NBAS: variants seen among roughly 807,000 people sequenced by gnomAD.
NBAS encodes NAG/BC035112 fusion.
Under a neutral mutation model 302.5 loss-of-function variants are expected in NBAS, and 219 were observed. The ratio of observed to expected loss-of-function variants is 0.72; its 90% CI spans 0.65 to 0.81. NBAS has a LOEUF of 0.81. Ranked by LOEUF, NBAS falls within the 30% of genes least tolerant of loss-of-function variation. The pLI is 0.00. For missense variants in NBAS, 2,932 were observed against 2,841.6 expected (o/e 1.03, Z -0.72); for synonymous variants, 1,118 against 1,021.6 (o/e 1.09, Z -1.80).
chr2:15,543,657 C>A (rs1350862409), intron 6 of NBAS, among the ~76,000 whole-genome samples: 5 of 152,172 alleles, frequency 3.3e-5, no homozygotes, highest in Non-Finnish European at 7.3e-5. Context: ...AAAGCAGAAA[C>A]CCCCGATAAA....
At chr2:15,048,315 CCA>C in the NBAS span, among the ~76,000 whole-genome samples, 63 of 152,288 alleles carry the variant, frequency 4.1e-4, no homozygotes, top group African/African-American at 1.5e-3. Flanking sequence ...CTTGCAAAGT[CCA>C]ATGTGCAGGG....
chr2:14,896,536 A>C, the NBAS span, among the ~76,000 whole-genome samples: 5 of 152,088 alleles, frequency 3.3e-5, no homozygotes, highest in East Asian at 9.6e-4. Context: ...TCCTAAGCGC[A>C]AGGAACCAAT....
chr2:14,804,011 G>A, the NBAS span, among the ~76,000 whole-genome samples: 1 of 152,132 alleles, frequency 6.6e-6, no homozygotes, highest in Non-Finnish European at 1.5e-5. Flanking sequence ...TCTCCATCTT[G>A]ATCAAAGTAC....
the NBAS span, among the ~76,000 whole-genome samples, chr2:14,785,738 A>G: frequency 6.6e-6 from 1 of 151,956 alleles, no homozygotes; most frequent in Non-Finnish European, 1.5e-5. Context: ...TTTATTGAGG[A>G]TTTTTGCATC....
chr2:14,907,867 C>A, the NBAS span, among the ~76,000 whole-genome samples: 6 of 152,324 alleles, frequency 3.9e-5, no homozygotes, highest in East Asian at 1.2e-3. Flanking sequence ...CTCTCTGTAC[C>A]CGAACCCACT....
rs567812723 is a variant in NBAS, at chr2:15,501,658, C to T, written c.954+2487G>A. ...AGGCTGGAGTGCAGTGGCAGGATCT[C>T]GGCTCACTGCAAGCTCCGCCTCCCG... is the stretch of plus-strand genomic sequence containing the variant. On this transcript the variant is annotated intron_variant, in intron 11 of 51. Transcript: ENST00000281513. 4.8e-4 allele frequency among the ~76,000 whole-genome samples: 68 copies of T among 140,728 alleles called. No individual in the cohort carries two copies. In the South Asian group the frequency reaches 0.012, roughly 25 times the overall value. The allele number at this position is 140,728 out of a possible 152,430, so 92.3% of individuals were successfully genotyped here.
chr2:14,870,269 C>T, the NBAS span, among the ~76,000 whole-genome samples: 63 of 152,204 alleles, frequency 4.1e-4, no homozygotes, highest in African/African-American at 1.5e-3. Flanking sequence ...ACAGTGTACT[C>T]AAAAGCAGAG....
intron 44 of NBAS, among the ~76,000 whole-genome samples, chr2:15,242,452 T>C (rs537403617): frequency 3.0e-4 from 46 of 152,312 alleles, no homozygotes; most frequent in African/African-American, 1.1e-3. Context: ...CTAGGCGTTT[T>C]ACTTAATTCA....
At chr2:15,223,777 C>T (rs1039685064) in intron 47 of NBAS, among the ~76,000 whole-genome samples, 1 of 151,204 alleles carries the variant, frequency 6.6e-6, no homozygotes, top group African/African-American at 2.4e-5. Context: ...TGCAAAGAGC[C>T]GAGATCGCAC....
chr2:15,553,226 G>C (rs1664466812), intron 5 of NBAS, among the ~76,000 whole-genome samples, 200 bp downstream of exon 5: 1 of 152,176 alleles, frequency 6.6e-6, no homozygotes, highest in East Asian at 1.9e-4. Context: ...TCTGGGGAAG[G>C]AGAAAGATAA....
chr2:15,179,173 G>T, intron 50 of NBAS, 57 bp from the exon 51 acceptor site: 1 of 1,612,070 alleles, frequency 6.2e-7, no homozygotes, highest in Non-Finnish European at 8.5e-7. Flanking sequence ...TCACCGGCAC[G>T]GTTCTGGCTG....
intron 9 of NBAS, among the ~76,000 whole-genome samples, chr2:15,531,919 T>C (rs866717219): frequency 2.6e-5 from 4 of 152,196 alleles, no homozygotes; most frequent in Non-Finnish European, 5.9e-5. Flanking sequence ...TCTCTGATTA[T>C]TTTTTTCCCA....
the NBAS span, among the ~76,000 whole-genome samples, chr2:14,973,698 T>C: frequency 6.6e-6 from 1 of 152,228 alleles, no homozygotes; most frequent in South Asian, 2.1e-4. Context: ...TTTTAGTTTA[T>C]TATTTGTTGT....
chr2:15,342,248 T>C (rs1007468095), intron 35 of NBAS, among the ~76,000 whole-genome samples: 11 of 151,850 alleles, frequency 7.2e-5, no homozygotes, highest in Admixed American at 6.6e-4. Context: ...ACAATCTAAA[T>C]GTACAAAAGC....
At chr2:15,379,561 T>G in intron 30 of NBAS, 41 bp downstream of exon 30, 1 of 1,579,396 alleles carries the variant, frequency 6.3e-7, no homozygotes, top group Non-Finnish European at 8.7e-7. Context: ...ACATTCTGAC[T>G]TTCCCCCTCC....
chr2:15,174,117 G>A (rs1664423257), intron 51 of NBAS, among the ~76,000 whole-genome samples: 1 of 152,198 alleles, frequency 6.6e-6, no homozygotes, highest in Non-Finnish European at 1.5e-5. Flanking sequence ...ATCTCTGTAT[G>A]TTCAGGTTAA....
chr2:15,256,922 G>C (rs945681160), intron 44 of NBAS, among the ~76,000 whole-genome samples: 1 of 152,116 alleles, frequency 6.6e-6, no homozygotes, highest in Non-Finnish European at 1.5e-5. Flanking sequence ...TGATTATGCA[G>C]TATTATCTTT....
At chr2:15,551,159 C>T in intron 6 of NBAS, among the ~76,000 whole-genome samples, 1 of 152,068 alleles carries the variant, frequency 6.6e-6, no homozygotes, top group Non-Finnish European at 1.5e-5. Context: ...ATGGCCAAAT[C>T]CTAGACTTCT....
chr2:15,139,673 G>A, the NBAS span, among the ~76,000 whole-genome samples: 1 of 152,074 alleles, frequency 6.6e-6, no homozygotes, highest in East Asian at 1.9e-4. Context: ...TAGAACATAA[G>A]AGAAACCATG....
Sources: gnomAD v4.1 joint callset for allele counts (sites outside exome capture counted in the v4.1 genomes callset) on GRCh38, gnomAD v4.1.1 for gene constraint, MANE v1.5 for transcripts, NCBI Gene and HGNC (gene_info 2026-07-23, HGNC 2026-07-21) for gene names.